Variants in KLF12 observed in about 807,000 individuals in gnomAD.
The protein encoded by KLF12 is Krueppel-like factor 12.
Under a neutral mutation model 37.8 loss-of-function variants are expected in KLF12, and 9 were observed. That is an observed-to-expected ratio of 0.24 (90% confidence interval 0.14 to 0.42). KLF12 has a LOEUF of 0.42. KLF12 is among the 10% of genes least tolerant of loss of function. The probability of loss-of-function intolerance (pLI) is 1.00; values close to 1 mark genes in which losing one functional copy is unlikely to be tolerated. For missense variants in KLF12, 411 were observed against 516.0 expected (o/e 0.80, Z 1.97); for synonymous variants, 208 against 202.1 (o/e 1.03, Z -0.25).
the KLF12 span, among the ~76,000 whole-genome samples, chr13:74,267,395 A>G: frequency 6.6e-6 from 1 of 152,248 alleles, no homozygotes; most frequent in African/African-American, 2.4e-5. Context: ...ATGGAATATT[A>G]TTCAGCCACA....
At chr13:74,135,352 G>C (rs1878508634), upstream of KLF12, among the ~76,000 whole-genome samples, 2 of 151,824 alleles carry the variant, frequency 1.3e-5, 1 homozygote, top group Admixed American at 1.3e-4. Context: ...CAGCTCCACT[G>C]CCCCACGCCC....
chr13:73,926,822 T>A (rs1453313274), intron 3 of KLF12, among the ~76,000 whole-genome samples: 2 of 152,038 alleles, frequency 1.3e-5, no homozygotes, highest in Non-Finnish European at 2.9e-5. Context: ...ATTCAGTGCA[T>A]ATCTGTAGAA....
chr13:73,765,740 A>G (rs1879868630), intron 5 of KLF12, among the ~76,000 whole-genome samples: 1 of 152,154 alleles, frequency 6.6e-6, no homozygotes, highest in Non-Finnish European at 1.5e-5. Flanking sequence ...TTTGTGGGTC[A>G]CTAACCGGCA....
intron 4 of KLF12, among the ~76,000 whole-genome samples, chr13:73,823,738 T>G (rs1422856408): frequency 6.6e-6 from 1 of 151,944 alleles, no homozygotes; most frequent in Non-Finnish European, 1.5e-5. Flanking sequence ...GAGAGAGAGT[T>G]TCGCTCTTGT....
intron 6 of KLF12, among the ~76,000 whole-genome samples, chr13:73,746,810 C>CTTTTTTTT (rs776746904): frequency 5.0e-5 from 6 of 119,824 alleles, no homozygotes; most frequent in Admixed American, 9.1e-5. Context: ...TCCCTCCCTC[C>CTTTTTTTT]TTTTTTTTTT....
chr13:74,247,790 A>T, the KLF12 span, among the ~76,000 whole-genome samples: 1 of 152,274 alleles, frequency 6.6e-6, no homozygotes, highest in Non-Finnish European at 1.5e-5. Context: ...TAGCATAAAC[A>T]GATAGAATGG....
At chr13:74,005,038 A>G (rs972648151) in intron 1 of KLF12, among the ~76,000 whole-genome samples, 1 of 152,230 alleles carries the variant, frequency 6.6e-6, no homozygotes, top group African/African-American at 2.4e-5. Flanking sequence ...ATTTCAAAAA[A>G]GTATTTCTAA....
At chr13:73,723,239 A>G (rs1425139954) in intron 6 of KLF12, among the ~76,000 whole-genome samples, 5 of 152,228 alleles carry the variant, frequency 3.3e-5, no homozygotes, top group African/African-American at 1.2e-4. Flanking sequence ...TAGAGTATCT[A>G]TTCAAAATAG....
intron 6 of KLF12, among the ~76,000 whole-genome samples, chr13:73,763,199 T>G (rs1879682155): frequency 1.3e-5 from 2 of 152,192 alleles, no homozygotes; most frequent in African/African-American, 4.8e-5. Context: ...AGCTGCTAAC[T>G]TCTCCTTCTA....
chr13:74,216,377 A>C, the KLF12 span, among the ~76,000 whole-genome samples: 1 of 152,120 alleles, frequency 6.6e-6, no homozygotes, highest in Non-Finnish European at 1.5e-5. Flanking sequence ...GGTAATGTAC[A>C]AAAAAATTGG....
intron 4 of KLF12, among the ~76,000 whole-genome samples, chr13:73,829,023 CCGAGTA>C (rs1884004789): frequency 6.6e-6 from 1 of 152,170 alleles, no homozygotes; most frequent in African/African-American, 2.4e-5. Flanking sequence ...AACACCACCA[CCGAGTA>C]TACTGCCCCT....
intron 7 of KLF12, among the ~76,000 whole-genome samples, chr13:73,700,742 A>C (rs986746892): frequency 1.3e-5 from 2 of 152,128 alleles, no homozygotes; most frequent in African/African-American, 2.4e-5. Context: ...ATTAAAAAAA[A>C]CAAAACAAAA....
chr13:74,135,407 A>C (rs1878511343), upstream of KLF12, among the ~76,000 whole-genome samples: 1 of 151,380 alleles, frequency 6.6e-6, no homozygotes, highest in African/African-American at 2.4e-5. Flanking sequence ...CGAGTCCTTG[A>C]CGCTCTCCCC....
intron 6 of KLF12, among the ~76,000 whole-genome samples, chr13:73,761,139 GA>G (rs60475951): frequency 0.3 from 45,002 of 152,016 alleles, 6,966 homozygotes; most frequent in Middle Eastern, 0.38. Flanking sequence ...GATCTGCCAA[GA>G]ATAAAAGTCT....
intron 4 of KLF12, among the ~76,000 whole-genome samples, chr13:73,841,128 C>T (rs745338059): frequency 6.6e-6 from 1 of 152,196 alleles, no homozygotes; most frequent in Non-Finnish European, 1.5e-5. Flanking sequence ...AGGTCCCTGA[C>T]AGTAGGGACT....
chr13:74,036,545 T>C (rs1893250515), intron 1 of KLF12, among the ~76,000 whole-genome samples: 1 of 152,154 alleles, frequency 6.6e-6, no homozygotes, highest in African/African-American at 2.4e-5. Flanking sequence ...TTTTTCAACC[T>C]GAGGATGTGG....
chr13:74,279,839 T>C, the KLF12 span, among the ~76,000 whole-genome samples: 1 of 152,168 alleles, frequency 6.6e-6, no homozygotes, highest in East Asian at 1.9e-4. Flanking sequence ...TCAAGTTCCA[T>C]GTTAAAAAGT....
At chr13:73,852,388 T>C (rs2138732407) in intron 3 of KLF12, among the ~76,000 whole-genome samples, 1 of 152,256 alleles carries the variant, frequency 6.6e-6, no homozygotes, top group South Asian at 2.1e-4. Context: ...AACCTGGAAT[T>C]TGGTTTGAAT....
intron 1 of KLF12, among the ~76,000 whole-genome samples, chr13:74,089,368 T>C (rs1875512337): frequency 6.6e-6 from 1 of 152,176 alleles, no homozygotes; most frequent in African/African-American, 2.4e-5. Context: ...ATGATGGTGG[T>C]GACTCTTCAT....
Sources: allele counts gnomAD v4.1 joint callset (sites outside exome capture counted in the v4.1 genomes callset), GRCh38; gene constraint gnomAD v4.1.1; transcripts MANE v1.5; gene names NCBI Gene and HGNC (gene_info 2026-07-23, HGNC 2026-07-21).